Variants in NCKAP5 observed in about 807,000 individuals in gnomAD.
NCKAP5 encodes nck-associated protein 5.
Under a neutral mutation model 167.0 loss-of-function variants are expected in NCKAP5, and 92 were observed. The ratio of observed to expected loss-of-function variants is 0.55; its 90% CI spans 0.47 to 0.66. The LOEUF is 0.66. Among genes scored for constraint, NCKAP5 ranks in the 30% least tolerant of loss-of-function variants. The pLI, the probability that NCKAP5 is intolerant of heterozygous loss-of-function variation, is 0.00. For synonymous variants in NCKAP5, 891 were observed against 877.4 expected (o/e 1.02, Z -0.27); for missense variants, 2,378 against 2,315.0 (o/e 1.03, Z -0.56).
chr2:132,714,065 G>T (rs909390754), intron 19 of NCKAP5, among the ~76,000 whole-genome samples: 3 of 152,192 alleles, frequency 2.0e-5, no homozygotes, highest in Non-Finnish European at 4.4e-5. Context: ...GATAGCTTGG[G>T]ATATTGCTGC....
intron 5 of NCKAP5, among the ~76,000 whole-genome samples, chr2:133,136,364 T>G (rs2082785456): frequency 6.6e-6 from 1 of 152,104 alleles, no homozygotes; most frequent in African/African-American, 2.4e-5. Context: ...AAAGAGGAAT[T>G]TATTTGGCTT....
chr2:132,975,186 T>C (rs758933771), intron 7 of NCKAP5, among the ~76,000 whole-genome samples: 5 of 152,242 alleles, frequency 3.3e-5, no homozygotes, highest in Non-Finnish European at 5.9e-5. Context: ...AGTTTAACAG[T>C]ACTACTGTCA....
At chr2:132,946,844 G>A (rs927814727) in intron 8 of NCKAP5, among the ~76,000 whole-genome samples, 1 of 152,188 alleles carries the variant, frequency 6.6e-6, no homozygotes, top group South Asian at 2.1e-4. Context: ...GTTGCAGTGA[G>A]CCGAGATGGC....
rs532065979 is a variant in NCKAP5, at chr2:133,232,920, A to G, written c.144-19141T>C. Among the ~76,000 whole-genome samples, 3 of 152,358 alleles carry G rather than the reference A, an allele frequency of 2.0e-5. No individual in the cohort carries two copies. In the East Asian group the frequency reaches 5.8e-4, roughly 29 times the overall value. ...GTCTCCTTCTATATAATCTGAGTGT[A>G]TAGATGAAAAAGAAATGTTTTCAAA... On this transcript the variant is annotated intron_variant, in intron 4 of 19. Coordinates refer to ENST00000409261, the MANE Select transcript of NCKAP5 (RefSeq NM_207363.3).
intron 3 of NCKAP5, among the ~76,000 whole-genome samples, chr2:133,410,919 T>A (rs905281563): frequency 2.0e-5 from 3 of 152,206 alleles, no homozygotes; most frequent in Admixed American, 1.3e-4. Context: ...TTGGTCATTA[T>A]CAACAGTTCC....
At chr2:133,375,867 C>A (rs1207655617) in intron 3 of NCKAP5, among the ~76,000 whole-genome samples, 1 of 152,152 alleles carries the variant, frequency 6.6e-6, no homozygotes, top group East Asian at 1.9e-4. Context: ...ATGAAGCCAA[C>A]ATTTTTAAGA....
chr2:133,186,982 C>A (rs1378771916), intron 5 of NCKAP5, among the ~76,000 whole-genome samples: 1 of 151,842 alleles, frequency 6.6e-6, no homozygotes, highest in Non-Finnish European at 1.5e-5. Context: ...TTAGTTACAT[C>A]TTTTCCTCTG....
At chr2:133,487,079 G>C (rs1354225483) in intron 3 of NCKAP5, among the ~76,000 whole-genome samples, 1 of 152,122 alleles carries the variant, frequency 6.6e-6, no homozygotes, top group African/African-American at 2.4e-5. Context: ...TTTCCTGTTT[G>C]GAGAACTCAG....
intron 6 of NCKAP5, among the ~76,000 whole-genome samples, chr2:133,025,239 G>A (rs1319811521): frequency 6.6e-6 from 1 of 152,072 alleles, no homozygotes; most frequent in African/African-American, 2.4e-5. Flanking sequence ...CCTACATTGG[G>A]GAAAATGATT....
At chr2:133,024,521 TAA>T (rs2078631199) in intron 6 of NCKAP5, among the ~76,000 whole-genome samples, 1 of 152,206 alleles carries the variant, frequency 6.6e-6, no homozygotes, top group South Asian at 2.1e-4. Flanking sequence ...AAAACATTTT[TAA>T]AAGATGTTCA....
chr2:133,511,665 A>G (rs1010027776), intron 3 of NCKAP5, among the ~76,000 whole-genome samples: 1 of 152,230 alleles, frequency 6.6e-6, no homozygotes, highest in Non-Finnish European at 1.5e-5. Context: ...CCATCTTCTG[A>G]TACCTGGCTC....
chr2:132,749,807 AGGAAC>A (rs1679958536), intron 16 of NCKAP5, among the ~76,000 whole-genome samples: 1 of 152,172 alleles, frequency 6.6e-6, no homozygotes, highest in Non-Finnish European at 1.5e-5. Flanking sequence ...GAGTTCTGAT[AGGAAC>A]GGAAATGGTT....
intron 4 of NCKAP5, among the ~76,000 whole-genome samples, chr2:133,276,281 A>T (rs1487902589): frequency 6.6e-6 from 1 of 152,124 alleles, no homozygotes; most frequent in Non-Finnish European, 1.5e-5. Flanking sequence ...CAACAATACC[A>T]TATTAATAGT....
chr2:133,136,271 G>A (rs188938669), intron 5 of NCKAP5, among the ~76,000 whole-genome samples: 1 of 152,130 alleles, frequency 6.6e-6, no homozygotes, highest in Non-Finnish European at 1.5e-5. Flanking sequence ...TCTATTCTAG[G>A]TCTAATTATA....
At chr2:133,009,884 A>AT (rs1228866223) in intron 6 of NCKAP5, among the ~76,000 whole-genome samples, 1 of 152,030 alleles carries the variant, frequency 6.6e-6, no homozygotes, top group Non-Finnish European at 1.5e-5. Context: ...CCTGGCCAAC[A>AT]TGGTGAAACC....
chr2:133,145,256 T>A (rs1380366940), intron 5 of NCKAP5, among the ~76,000 whole-genome samples: 3 of 152,094 alleles, frequency 2.0e-5, no homozygotes, highest in African/African-American at 7.2e-5. Flanking sequence ...TTATATTTAC[T>A]ATGTGCTATT....
At chr2:133,548,419 A>G (rs1030503265) in intron 2 of NCKAP5, among the ~76,000 whole-genome samples, 6 of 151,556 alleles carry the variant, frequency 4.0e-5, no homozygotes, top group South Asian at 2.1e-4. Flanking sequence ...TCCAAGACAC[A>G]TAATTGTCAG....
chr2:132,794,263 TAGAGAGAGAGAG>T (rs70973407), intron 12 of NCKAP5, among the ~76,000 whole-genome samples: 173 of 11,884 alleles, frequency 0.015, 1 homozygote, highest in South Asian at 0.056. Context: ...TATATATATA[TAGAGAGAGAGAG>T]AGAGAGAGAG....
intron 3 of NCKAP5, among the ~76,000 whole-genome samples, chr2:133,493,560 T>C (rs1396142154): frequency 1.3e-5 from 2 of 152,196 alleles, no homozygotes; most frequent in Non-Finnish European, 2.9e-5. Context: ...TGGCACATAG[T>C]ATGTACTTAA....
Sources: gnomAD v4.1 joint callset for allele counts (sites outside exome capture counted in the v4.1 genomes callset) on GRCh38, gnomAD v4.1.1 for gene constraint, MANE v1.5 for transcripts, NCBI Gene and HGNC (gene_info 2026-07-23, HGNC 2026-07-21) for gene names.